BRD9: variants seen among roughly 807,000 people sequenced by gnomAD.
The protein encoded by BRD9 is bromodomain containing 9.
A neutral mutation model predicts 68.7 loss-of-function variants in BRD9; 47 were observed. That is an observed-to-expected ratio of 0.68 (90% CI 0.54 to 0.87). The LOEUF (loss-of-function observed/expected upper bound fraction) is 0.87, where lower values mean the gene tolerates loss of function less well. Ranked by LOEUF, BRD9 falls within the 40% of genes least tolerant of loss-of-function variation. BRD9 has a pLI of 0.00. For missense variants in BRD9, 670 were observed against 748.4 expected (o/e 0.90, Z 1.22); for synonymous variants, 313 against 293.9 (o/e 1.06, Z -0.67).
chr5:871,640 C>T lies in BRD9; in HGVS notation c.1384-76G>A, dbSNP rs932414759. 9.4e-6 allele frequency: 13 copies of T among 1,384,550 alleles called. No individual in the cohort carries two copies. The African/African-American group carries it at 1.7e-4, about 18-fold the overall frequency. The allele number at this position is 1,384,550 out of a possible 1,614,324, so 85.8% of individuals were successfully genotyped here. On this transcript the variant is annotated intron_variant, in intron 12 of 15. Coordinates refer to ENST00000467963, the MANE Select transcript of BRD9 (RefSeq NM_023924.5). ...AAACGGACAATTCGCTGACATTACACACACGTAAAAATGGCTTGTGCGCTT... is the reference window on the plus strand; with the variant it reads ...AAACGGACAATTCGCTGACATTACATACACGTAAAAATGGCTTGTGCGCTT...
chr5:873,993 A>G (rs1446305070), intron 12 of BRD9, among the ~76,000 whole-genome samples: 1 of 152,260 alleles, frequency 6.6e-6, no homozygotes, highest in Non-Finnish European at 1.5e-5. Flanking sequence ...GGATCCGGCC[A>G]TTATCCACAA....
chr5:886,916 GC>G, intron 6 of BRD9: 1 of 829,952 alleles, frequency 1.2e-6, no homozygotes. Flanking sequence ...GGTTGTGGGG[GC>G]TTGACCCACC....
intron 14 of BRD9, 23 bp from the exon 15 acceptor site, chr5:865,604 C>G: frequency 1.3e-6 from 2 of 1,567,074 alleles, no homozygotes; most frequent in Middle Eastern, 1.7e-4. Flanking sequence ...GACATGACCC[C>G]ACGTCGGCTG....
intron 12 of BRD9, among the ~76,000 whole-genome samples, chr5:873,920 G>A (rs1350878369): frequency 6.6e-6 from 1 of 152,178 alleles, no homozygotes; most frequent in African/African-American, 2.4e-5. Context: ...CCACTCCTTA[G>A]CATTAAGGCT....
chr5:887,455 A>G lies in BRD9; in HGVS notation c.623T>C (p.Met208Thr). 2 of 1,613,728 alleles carry G rather than the reference A, an allele frequency of 1.2e-6. No individual in the cohort carries two copies. Among genetic ancestry groups the G allele is most frequent in the Non-Finnish European group, 1.7e-6 (2 of 1,179,732 alleles). The change falls in exon 6 of 16, where the codon ATG becomes ACG. Residue 208 changes from methionine (M) to threonine (T), a missense_variant. Around this residue, in one of 5 missense-constraint regions of BRD9, gnomAD observed 94 missense variants for 157.2 expected, o/e 0.60. Coordinates refer to ENST00000467963, the MANE Select transcript of BRD9 (RefSeq NM_023924.5). ...ATTGTATGTCATTGCATTATCACAC[A>G]TCAGCTTGAAATCTGCCTGAAAAGA... Reference protein sequence around the residue: ...VTEFKADFKLMCDNAMTYNRP... With the variant: ...VTEFKADFKLTCDNAMTYNRP...
Position 891,687 on chromosome 5 carries a change from A to G in BRD9, c.220T>C (p.Ser74Pro). The G allele has an allele frequency of 5.8e-6, 9 of 1,550,154 alleles. No homozygotes were observed. The highest frequency in any genetic ancestry group is 7.8e-6 in the Non-Finnish European group (9 of 1,146,500). Residue 74 changes from serine (S) to proline (P), a missense_variant, in exon 2 of 16, where the codon TCC becomes CCC. Around this residue, in one of 5 missense-constraint regions of BRD9, gnomAD observed 161 missense variants for 148.1 expected, o/e 1.09. Coordinates refer to ENST00000467963, the MANE Select transcript of BRD9 (RefSeq NM_023924.5). ...KEKKKKKKKK[S>P]EKEKHLDDEE... ...TCGTCCAGATGCTTCTCCTTCTCGG[A>G]CTTCTTCTTCTTCTTCTTTTTCTTT... is the stretch of plus-strand genomic sequence containing the variant.
At chr5:880,922 G>A (rs545577911) in intron 9 of BRD9, among the ~76,000 whole-genome samples, 185 bp downstream of exon 9, 121 of 152,324 alleles carry the variant, frequency 7.9e-4, no homozygotes, top group Non-Finnish European at 1.5e-3. Context: ...CCCCCGCCCC[G>A]CGAGATGGCC....
chr5:869,909 AC>A (rs1749890520), intron 14 of BRD9, among the ~76,000 whole-genome samples: 1 of 152,132 alleles, frequency 6.6e-6, no homozygotes, highest in Admixed American at 6.5e-5. Context: ...TGTTCTTGGG[AC>A]CTCCTGGGAC....
At chr5:876,035 A>T in intron 12 of BRD9, 66 bp downstream of exon 12, 10 of 1,097,974 alleles carry the variant, frequency 9.1e-6, no homozygotes, top group Non-Finnish European at 1.4e-5. Flanking sequence ...GTCAGGCTGC[A>T]GGCTCTTCCC....
chr5:869,345 C>T lies in BRD9; in HGVS notation c.1525+1128G>A, dbSNP rs537199492. ...AAGCAGACTCCGTGGTAATAAGACA[C>T]CAAATTCCGATCCGACTTTAGTACA... On this transcript the variant is annotated intron_variant, in intron 14 of 15. Transcript: ENST00000467963. 8 of 456,226 alleles carry T rather than the reference C, an allele frequency of 1.8e-5. 1 individual carries two copies. The East Asian group carries it at 4.9e-4, about 28-fold the overall frequency. 28.3% of individuals were successfully genotyped at this position (456,226 alleles called of 1,614,324 possible).
chr5:883,910 C>T, intron 8 of BRD9, 28 bp downstream of exon 8: 2 of 1,602,842 alleles, frequency 1.2e-6, no homozygotes, highest in Admixed American at 1.7e-5. Context: ...CCACGTGGCA[C>T]CCTCTCTCGG....
intron 12 of BRD9, among the ~76,000 whole-genome samples, chr5:875,800 C>T (rs2150576999): frequency 6.6e-6 from 1 of 152,328 alleles, no homozygotes; most frequent in Non-Finnish European, 1.5e-5. Context: ...AGATCACTGT[C>T]AGTAAATCTG....
At chr5:891,591 C>T (rs1252351617) in intron 2 of BRD9, 49 bp downstream of exon 2, 2 of 1,538,208 alleles carry the variant, frequency 1.3e-6, no homozygotes, top group Admixed American at 2.1e-5. Context: ...CCAGGCTCCC[C>T]ACGGGCTCCT....
intron 5 of BRD9, among the ~76,000 whole-genome samples, chr5:887,842 C>A (rs568384362): frequency 2.6e-5 from 4 of 152,164 alleles, no homozygotes; most frequent in African/African-American, 9.7e-5. Context: ...GGCAGGCGTG[C>A]GGCACAGTGA....
chr5:864,581 G>A lies in BRD9; in HGVS notation c.1694-13C>T. 1 of 1,611,758 alleles carries A rather than the reference G, an allele frequency of 6.2e-7. No individual in the cohort carries two copies. The highest frequency in any genetic ancestry group is 8.5e-7 in the Non-Finnish European group (1 of 1,178,246). ...CGAGAAGGGCTTCCTGCAATTTTCAGAACACAGGACTTCAACACACAGGAC... is the reference window on the plus strand; with the variant it reads ...CGAGAAGGGCTTCCTGCAATTTTCAAAACACAGGACTTCAACACACAGGAC... On this transcript the variant is annotated splice_polypyrimidine_tract_variant and intron_variant, in intron 15 of 15. Coordinates refer to ENST00000467963, the MANE Select transcript of BRD9 (RefSeq NM_023924.5).
chr5:889,269 A>G, intron 4 of BRD9, 104 bp from the exon 5 acceptor site: 1 of 1,260,118 alleles, frequency 7.9e-7, no homozygotes, highest in South Asian at 1.4e-5. Context: ...TTTGTTTCTT[A>G]AAAATAAAAA....
chr5:891,611 C>T, intron 2 of BRD9, 29 bp downstream of exon 2: 2 of 1,547,060 alleles, frequency 1.3e-6, no homozygotes, highest in Non-Finnish European at 8.7e-7. Context: ...TCGTGGGCAG[C>T]GTCCGGGCCA....
At chr5:876,903 C>T (rs527626641) in intron 11 of BRD9, among the ~76,000 whole-genome samples, 4 of 152,268 alleles carry the variant, frequency 2.6e-5, no homozygotes, top group Non-Finnish European at 2.9e-5. Flanking sequence ...AGGCCAAGCT[C>T]GGCACTCGCA....
Position 883,736 on chromosome 5 carries a change from C to A in BRD9, c.966+202G>T, listed in dbSNP as rs569725509. On this transcript the variant is annotated intron_variant, in intron 8 of 15. Transcript: ENST00000467963. ...GCCTCCACGATGCATGAAACACCAGCGGCAGCCCTGCCAGAGGCACCTGGA... is the reference window on the plus strand; with the variant it reads ...GCCTCCACGATGCATGAAACACCAGAGGCAGCCCTGCCAGAGGCACCTGGA... 3.7e-5 allele frequency: 25 copies of A among 678,894 alleles called. 1 individual carries two copies. Among genetic ancestry groups the A allele is most frequent in the Middle Eastern group, 8.1e-4 (2 of 2,482 alleles). The allele number at this position is 678,894 out of a possible 1,614,324, so 42.1% of individuals were successfully genotyped here.
Sources: gnomAD v4.1 joint callset for allele counts (sites outside exome capture counted in the v4.1 genomes callset) on GRCh38, gnomAD v4.1.1 for gene constraint, gnomAD v4.1.1 regional missense constraint, MANE v1.5 for transcripts, NCBI Gene and HGNC (gene_info 2026-07-23, HGNC 2026-07-21) for gene names.